Variants in VWCE observed in about 807,000 individuals in gnomAD.
VWCE encodes the protein von Willebrand factor C and EGF domain-containing protein.
A neutral mutation model predicts 102.9 loss-of-function variants in VWCE; 68 were observed. That is an observed-to-expected ratio of 0.66 (90% CI 0.54 to 0.81). VWCE has a LOEUF of 0.81. Ranked by LOEUF, VWCE falls within the 30% of genes least tolerant of loss-of-function variation. The probability of loss-of-function intolerance (pLI) is 0.00; values close to 1 mark genes in which losing one functional copy is unlikely to be tolerated. For missense variants in VWCE, 1,137 were observed against 1,263.6 expected, an observed-to-expected ratio of 0.90 and a Z score of 1.52; for synonymous variants, 497 against 515.4, an observed-to-expected ratio of 0.96 and a Z score of 0.48.
intron 4 of VWCE, among the ~76,000 whole-genome samples, chr11:61,289,074 G>A (rs1030206740): frequency 4.6e-5 from 7 of 151,640 alleles, no homozygotes; most frequent in Admixed American, 1.3e-4. Flanking sequence ...CCCTGACCTC[G>A]TGATCCACCC....
At chr11:61,273,973 A>G (rs959273432) in intron 12 of VWCE, among the ~76,000 whole-genome samples, 2 of 152,120 alleles carry the variant, frequency 1.3e-5, no homozygotes, top group Non-Finnish European at 2.9e-5. Context: ...TCCCTTGGTA[A>G]GTCGCCTGCA....
intron 1 of VWCE, 28 bp from the exon 2 acceptor site, chr11:61,291,604 C>T (rs1855504580): frequency 7.1e-7 from 1 of 1,417,312 alleles, no homozygotes; most frequent in Non-Finnish European, 9.3e-7. Flanking sequence ...GCACTTTCCT[C>T]ATTCTATACT....
chr11:61,266,207 T>G (rs969165634), intron 16 of VWCE, among the ~76,000 whole-genome samples: 1 of 152,108 alleles, frequency 6.6e-6, no homozygotes, highest in Non-Finnish European at 1.5e-5. Context: ...AGTATTTTTT[T>G]ATGTAAAATT....
chr11:61,258,441 G>A lies in VWCE; in HGVS notation c.*234C>T, dbSNP rs550034481. 3.0e-5 allele frequency: 12 copies of A among 394,894 alleles called. No individual in the cohort carries two copies. Among genetic ancestry groups the A allele is most frequent in the East Asian group, 1.2e-4 (3 of 25,704 alleles). The allele number at this position is 394,894 out of a possible 1,614,324, so 24.5% of individuals were successfully genotyped here. ...TTCTCAAAAGATGAGCCAGCCACGC[G>A]GTCCAGGGAGGATGCTGACAGTGGA... On this transcript the variant is annotated 3_prime_UTR_variant, in exon 20 of 20. Transcript: ENST00000335613.
chr11:61,293,853 G>A (rs965391745), intron 1 of VWCE, among the ~76,000 whole-genome samples: 2 of 152,168 alleles, frequency 1.3e-5, no homozygotes, highest in African/African-American at 4.8e-5. Flanking sequence ...TGTCCCTGGG[G>A]CCTTTTTCCC....
chr11:61,265,230 C>T lies in VWCE; in HGVS notation c.1966-18G>A, dbSNP rs1242115256. ...GAGCCCAGCTGCAGGACACAGAAAA[C>T]ACACAAGGCCCTCGGTTCAGGGCAG... On this transcript the variant is annotated intron_variant, in intron 16 of 19. Transcript: ENST00000335613. 2 of 1,464,498 alleles carry T rather than the reference C, an allele frequency of 1.4e-6. No individual in the cohort carries two copies. The highest frequency in any genetic ancestry group is 5.4e-5 in the Admixed American group (2 of 36,770). 90.7% of individuals were successfully genotyped at this position (1,464,498 alleles called of 1,614,324 possible). A position where few individuals can be genotyped will look rare whatever the true frequency, so the allele number is the denominator to read the frequency against.
rs1240951640 is a variant in VWCE, at chr11:61,269,016, T to C, written c.1788A>G (p.Ala596=). 11 of 1,613,894 alleles carry C rather than the reference T, an allele frequency of 6.8e-6. No individual in the cohort carries two copies. Among genetic ancestry groups the C allele is most frequent in the Non-Finnish European group, 9.3e-6 (11 of 1,180,012 alleles). The stretch of plus-strand genomic sequence containing the variant: ...TCCTCTTGCAGCTCACCGAGCCATC[T>C]GCCTGGAGGAAGGAGGAACTTCACC... ...GDPCELCICQ[A]DGSVSCKRTD... The change falls in exon 15 of 20, where the codon GCA becomes GCG. Residue 596 remains alanine, a splice_region_variant and synonymous_variant. Transcript: ENST00000335613.
Position 61,286,151 on chromosome 11 carries a change from T to A in VWCE, c.541+163A>T, listed in dbSNP as rs1590653103. On this transcript the variant is annotated intron_variant, in intron 5 of 19. Coordinates refer to ENST00000335613, the MANE Select transcript of VWCE (RefSeq NM_152718.2). ...CCTTGGGCAAGCCTCAGTCTCCACA[T>A]CAGTCAGACAGGAACCATAATAGCA... 1.2e-4 allele frequency: 86 copies of A among 736,284 alleles called. 1 individual carries two copies. The East Asian group carries it at 2.1e-3, about 18-fold the overall frequency. 45.6% of individuals were successfully genotyped at this position (736,284 alleles called of 1,614,324 possible).
chr11:61,282,004 T>C (rs1855159494), intron 6 of VWCE, 90 bp from the exon 7 acceptor site: 2 of 1,528,288 alleles, frequency 1.3e-6, no homozygotes, highest in Admixed American at 1.9e-5. Context: ...ACTTGGGGAG[T>C]TTCTCTGCCA....
intron 16 of VWCE, among the ~76,000 whole-genome samples, chr11:61,266,818 C>T (rs1487406627): frequency 6.6e-6 from 1 of 152,214 alleles, no homozygotes; most frequent in Non-Finnish European, 1.5e-5. Flanking sequence ...TGGCACACTG[C>T]AAGAGCTTGA....
chr11:61,275,764 T>C (rs1451360185), intron 11 of VWCE, among the ~76,000 whole-genome samples: 1 of 152,150 alleles, frequency 6.6e-6, no homozygotes, highest in Non-Finnish European at 1.5e-5. Context: ...GGAACATCCA[T>C]GACAGCAATG....
Position 61,282,886 on chromosome 11 carries a change from C to T in VWCE, c.561G>A (p.Gly187=). The part of the protein sequence containing the change: ...HSCQDTDECL[G]TPCQQRCKNS... ...TTTTACATCTCTGCTGACAGGGAGT[C>T]CCTAGGCATTCGTCAGTGTCTGGCA... Residue 187 remains glycine (G), a synonymous_variant, in exon 6 of 20, where the codon GGG becomes GGA. Transcript: ENST00000335613. The T allele has an allele frequency of 6.2e-7, 1 of 1,614,140 alleles. No homozygotes were observed. The highest frequency in any genetic ancestry group is 1.1e-5 in the South Asian group (1 of 91,074).
intron 6 of VWCE, 21 bp from the exon 7 acceptor site, chr11:61,281,935 G>C: frequency 6.2e-7 from 1 of 1,605,576 alleles, no homozygotes; most frequent in African/African-American, 1.3e-5. Context: ...GCCTCGCTGC[G>C]GACAGCTGCT....
intron 18 of VWCE, 109 bp downstream of exon 18, chr11:61,264,847 C>T: frequency 8.2e-7 from 1 of 1,216,296 alleles, no homozygotes; most frequent in Non-Finnish European, 1.2e-6. Flanking sequence ...CGGAGGATGG[C>T]AGGAGGATGG....
intron 16 of VWCE, among the ~76,000 whole-genome samples, chr11:61,265,706 G>T (rs1213047315): frequency 3.3e-5 from 5 of 152,220 alleles, no homozygotes; most frequent in Non-Finnish European, 5.9e-5. Context: ...ACCCACACCA[G>T]CAAAGCAGCG....
intron 18 of VWCE, among the ~76,000 whole-genome samples, 170 bp downstream of exon 18, chr11:61,264,786 C>A (rs539007923): frequency 5.4e-4 from 83 of 152,356 alleles, no homozygotes; most frequent in African/African-American, 1.9e-3. Context: ...TGGACTTCCA[C>A]AGAGGGAGGA....
In VWCE at chr11:61,265,997, G is replaced by A. The variant is rs537382332; in HGVS notation, c.1966-785C>T. Among the ~76,000 whole-genome samples, 4 of 152,028 alleles carry A rather than the reference G, an allele frequency of 2.6e-5. No homozygotes were observed. In the South Asian group the frequency reaches 6.2e-4, roughly 24 times the overall value. On this transcript the variant is annotated intron_variant, in intron 16 of 19. Coordinates refer to ENST00000335613, the MANE Select transcript of VWCE (RefSeq NM_152718.2). Reference sequence around the variant, plus strand: ...GGAGGCGGAGGTTGCAGTGAGCCAAGATTGTGCCACTGCACTCCAGCCTGG... The same window carrying A: ...GGAGGCGGAGGTTGCAGTGAGCCAAAATTGTGCCACTGCACTCCAGCCTGG...
intron 19 of VWCE, among the ~76,000 whole-genome samples, chr11:61,263,753 G>A (rs1469564279): frequency 6.6e-6 from 1 of 152,116 alleles, no homozygotes; most frequent in African/African-American, 2.4e-5. Context: ...TTTCTCACCT[G>A]GCACAGGAGG....
intron 6 of VWCE, 21 bp from the exon 7 acceptor site, chr11:61,281,935 G>T: frequency 1.9e-6 from 3 of 1,605,576 alleles, no homozygotes; most frequent in Non-Finnish European, 2.6e-6. Flanking sequence ...GCCTCGCTGC[G>T]GACAGCTGCT....
Sources: allele counts gnomAD v4.1 joint callset (sites outside exome capture counted in the v4.1 genomes callset), GRCh38; gene constraint gnomAD v4.1.1; transcripts MANE v1.5; gene names NCBI Gene and HGNC (gene_info 2026-07-23, HGNC 2026-07-21).